The following WWOX variants were observed in gnomAD, a reference collection of about 807,000 sequenced individuals.
The protein encoded by WWOX is WW domain-containing oxidoreductase.
Under a neutral mutation model 46.2 loss-of-function variants are expected in WWOX, and 69 were observed. That is an observed-to-expected ratio of 1.49 (90% CI 1.23 to 1.82). The LOEUF is 1.82. WWOX is among the 40% of genes most tolerant of loss of function. The pLI is 0.00. For missense variants in WWOX, 919 were observed against 542.6 expected, an observed-to-expected ratio of 1.69 and a Z score of -6.89; for synonymous variants, 359 against 202.6, an observed-to-expected ratio of 1.77 and a Z score of -6.56.
chr16:78,429,471 T>C (rs1290100544), intron 7 of WWOX, among the ~76,000 whole-genome samples: 1 of 152,138 alleles, frequency 6.6e-6, no homozygotes, highest in African/African-American at 2.4e-5. Context: ...CTGGAAGAAG[T>C]AGTCCCTGAA....
intron 8 of WWOX, among the ~76,000 whole-genome samples, chr16:79,152,895 G>A (rs1188116599): frequency 6.6e-6 from 1 of 152,162 alleles, no homozygotes; most frequent in Non-Finnish European, 1.5e-5. Flanking sequence ...ACTGAGGGAA[G>A]AGCAGGGATA....
intron 8 of WWOX, among the ~76,000 whole-genome samples, chr16:79,034,039 G>A (rs567409700): frequency 6.6e-6 from 1 of 152,320 alleles, no homozygotes; most frequent in African/African-American, 2.4e-5. Flanking sequence ...CACAGGCTAT[G>A]GCTCACGGCT....
At chr16:78,778,052 A>T (rs1359639568) in intron 8 of WWOX, among the ~76,000 whole-genome samples, 11 of 152,002 alleles carry the variant, frequency 7.2e-5, no homozygotes, top group African/African-American at 2.4e-4. Flanking sequence ...CTGAAAAAAA[A>T]AAAAAAAAAA....
At chr16:78,838,909 TG>T (rs1446688170) in intron 8 of WWOX, among the ~76,000 whole-genome samples, 1 of 150,954 alleles carries the variant, frequency 6.6e-6, no homozygotes, top group Admixed American at 6.6e-5. Flanking sequence ...TGGAGAGGAG[TG>T]GGGGGTGAGT....
intron 8 of WWOX, among the ~76,000 whole-genome samples, chr16:78,567,971 A>G (rs1202667556): frequency 6.6e-6 from 1 of 152,112 alleles, no homozygotes; most frequent in African/African-American, 2.4e-5. Context: ...GTATAATGGA[A>G]AATGTGTTGC....
chr16:78,641,783 C>T (rs777495338), intron 8 of WWOX, among the ~76,000 whole-genome samples: 2 of 152,156 alleles, frequency 1.3e-5, no homozygotes, highest in Non-Finnish European at 2.9e-5. Context: ...CCCCTCCACT[C>T]GCCTGGGTCA....
At chr16:78,695,203 A>G (rs2048073111) in intron 8 of WWOX, among the ~76,000 whole-genome samples, 1 of 152,170 alleles carries the variant, frequency 6.6e-6, no homozygotes, top group Admixed American at 6.5e-5. Context: ...CCCTGCTAGT[A>G]TTAGTTCCCT....
intron 8 of WWOX, among the ~76,000 whole-genome samples, chr16:78,598,712 G>C (rs568921341): frequency 6.6e-6 from 1 of 152,320 alleles, no homozygotes; most frequent in Admixed American, 6.5e-5. Context: ...TGCAAAAGGA[G>C]TTAATATGCC....
intron 5 of WWOX, among the ~76,000 whole-genome samples, chr16:78,299,919 A>T (rs942780966): frequency 6.6e-6 from 1 of 152,152 alleles, no homozygotes; most frequent in African/African-American, 2.4e-5. Context: ...ACTACTGTGT[A>T]TTGAGAGATG....
chr16:79,078,975 A>C lies in WWOX; in HGVS notation c.1057-132633A>C, dbSNP rs144634057. 1.4e-4 allele frequency among the ~76,000 whole-genome samples: 21 copies of C among 152,270 alleles called. No individual in the cohort carries two copies. The East Asian group carries it at 4.1e-3, about 29-fold the overall frequency. On this transcript the variant is annotated intron_variant, in intron 8 of 8. Transcript: ENST00000566780. The stretch of plus-strand genomic sequence containing the variant: ...GGCCCTGAAGTTATTTTTCCCCCCA[A>C]ATTTGATAGAAATCAGTAGAGATGC...
At chr16:79,083,879 A>T (rs888119788) in intron 8 of WWOX, among the ~76,000 whole-genome samples, 1 of 152,142 alleles carries the variant, frequency 6.6e-6, no homozygotes, top group Non-Finnish European at 1.5e-5. Context: ...TTTTGTTTTA[A>T]TGCAAACTGA....
intron 8 of WWOX, among the ~76,000 whole-genome samples, chr16:78,676,816 T>C (rs1489363644): frequency 1.2e-4 from 19 of 152,232 alleles, no homozygotes; most frequent in Non-Finnish European, 1.5e-5. Context: ...GAACTTTACC[T>C]TGATAGGACC....
intron 8 of WWOX, among the ~76,000 whole-genome samples, chr16:78,466,455 A>C (rs2084080947): frequency 6.6e-6 from 1 of 152,194 alleles, no homozygotes; most frequent in Admixed American, 6.5e-5. Flanking sequence ...TGTTATGTGA[A>C]TTTCATCTCA....
At chr16:78,323,214 C>A (rs190268175) in intron 5 of WWOX, among the ~76,000 whole-genome samples, 7 of 152,122 alleles carry the variant, frequency 4.6e-5, no homozygotes, top group Non-Finnish European at 1.0e-4. Flanking sequence ...TCACGCCATT[C>A]TCCTGCCTCA....
chr16:78,357,321 C>G (rs1282673068), intron 5 of WWOX, among the ~76,000 whole-genome samples: 1 of 152,140 alleles, frequency 6.6e-6, no homozygotes, highest in African/African-American at 2.4e-5. Context: ...AGGTACTTAC[C>G]TTTCTCAGCA....
intron 8 of WWOX, among the ~76,000 whole-genome samples, chr16:79,187,394 C>T (rs1025799006): frequency 1.3e-5 from 2 of 152,168 alleles, no homozygotes; most frequent in Non-Finnish European, 2.9e-5. Flanking sequence ...ACTCCTTTCA[C>T]TTGCTTTTGT....
chr16:79,008,410 C>G (rs528454583), intron 8 of WWOX, among the ~76,000 whole-genome samples: 3 of 152,300 alleles, frequency 2.0e-5, no homozygotes, highest in Admixed American at 2.0e-4. Context: ...ATGACATCTG[C>G]GAAATTCCTC....
At chr16:79,145,154 TG>T (rs2050161883) in intron 8 of WWOX, among the ~76,000 whole-genome samples, 1 of 152,210 alleles carries the variant, frequency 6.6e-6, no homozygotes. Context: ...TAAATTTTCA[TG>T]TCATTTCTTT....
rs200847456 is a variant in WWOX, at chr16:78,386,934, C to G, written c.591C>G (p.Phe197Leu). The G allele has an allele frequency of 1.3e-5, 21 of 1,613,976 alleles. No individual in the cohort carries two copies. In the African/African-American group the frequency reaches 2.5e-4, roughly 19 times the overall value. ...LRSVQHFAEA[F>L]KAKNVPLHVL... Reference sequence around the variant, plus strand: ...GCGTGCAGCATTTTGCTGAAGCATTCAAGGCCAAGAATGTGTGAGTGTTCC... The same window carrying G: ...GCGTGCAGCATTTTGCTGAAGCATTGAAGGCCAAGAATGTGTGAGTGTTCC... Residue 197 changes from phenylalanine to leucine, a missense_variant, in exon 6 of 9, where the codon TTC (phenylalanine) becomes TTG (leucine). Coordinates refer to ENST00000566780, the MANE Select transcript of WWOX (RefSeq NM_016373.4).
Sources: allele counts gnomAD v4.1 joint callset (sites outside exome capture counted in the v4.1 genomes callset), GRCh38; gene constraint gnomAD v4.1.1; transcripts MANE v1.5; gene names NCBI Gene and HGNC (gene_info 2026-07-23, HGNC 2026-07-21).